Variants in ANKS1A observed in about 807,000 individuals in gnomAD.
ANKS1A encodes the protein ankyrin repeat and SAM domain-containing protein 1A.
ANKS1A carries 55 observed loss-of-function variants against 120.3 expected under a neutral mutation model. That is an observed-to-expected ratio of 0.46 (90% CI 0.37 to 0.57). The LOEUF is 0.57. Among genes scored for constraint, ANKS1A ranks in the 20% least tolerant of loss-of-function variants. The pLI is 0.00. For synonymous variants in ANKS1A, 590 were observed against 604.7 expected, an observed-to-expected ratio of 0.98 and a Z score of 0.36; for missense variants, 1,123 against 1,480.3, an observed-to-expected ratio of 0.76 and a Z score of 3.96.
rs765605788 is a variant in ANKS1A, at chr6:34,982,011, C to T, written c.732+25C>T. 16 of 1,610,526 alleles carry T rather than the reference C, an allele frequency of 9.9e-6. No individual in the cohort carries two copies. Among genetic ancestry groups the T allele is most frequent in the Non-Finnish European group, 1.4e-5 (16 of 1,177,948 alleles). On this transcript the variant is annotated intron_variant, in intron 4 of 23. Coordinates refer to ENST00000360359, the MANE Select transcript of ANKS1A (RefSeq NM_015245.3). The surrounding 1 kb of genome is among the most constrained non-coding windows in gnomAD (Gnocchi z 4.9). ...GGTAGCAGGGCGGGTGGGGGCTCCT[C>T]CAATCTCAAGAGACTCAGTCATTTT...
In ANKS1A at chr6:35,081,107, C is replaced by T. The variant is rs1777646753; in HGVS notation, c.2658C>T (p.Asp886=). The T allele has an allele frequency of 1.2e-6, 2 of 1,613,584 alleles. No homozygotes were observed. Among genetic ancestry groups the T allele is most frequent in the African/African-American group, 2.7e-5 (2 of 74,928 alleles). Residue 886 remains aspartate (D), a synonymous_variant, in exon 17 of 24, where the codon GAC becomes GAT. Coordinates refer to ENST00000360359, the MANE Select transcript of ANKS1A (RefSeq NM_015245.3). ...PPGDTGRRRH[D]SLHDPAAPSR... ...GGGACACAGGCAGGAGGCGCCATGA[C>T]AGTCTCCATGACCCTGCGGCACCCT...
chr6:34,944,340 C>G (rs147379165), intron 1 of ANKS1A, among the ~76,000 whole-genome samples: 2 of 151,748 alleles, frequency 1.3e-5, no homozygotes, highest in Admixed American at 1.3e-4. Context: ...GTTCCTGTTG[C>G]TCCATATCCT....
At position 35,089,183 on chromosome 6, in the gene ANKS1A, A is replaced by C. The variant is rs1018413857; in HGVS notation, c.*574A>C. 1.9e-5 allele frequency: 19 copies of C among 998,526 alleles called. No homozygotes were observed. The highest frequency in any genetic ancestry group is 2.2e-5 in the Non-Finnish European group (18 of 836,534). The allele number at this position is 998,526 out of a possible 1,614,324, so 61.9% of individuals were successfully genotyped here. On this transcript the variant is annotated 3_prime_UTR_variant, in exon 24 of 24. Transcript: ENST00000360359. ...GCTGCTGCTCTTTATGAACTGCCCA[A>C]CTTCCTGTCCCTTTCAGGGGCTAGA...
chr6:34,913,251 A>G (rs1230099029), intron 1 of ANKS1A, among the ~76,000 whole-genome samples: 1 of 152,218 alleles, frequency 6.6e-6, no homozygotes, highest in Non-Finnish European at 1.5e-5. Flanking sequence ...ACACATTGTA[A>G]TAGTGACTGA....
At chr6:34,900,444 T>G (rs1767290913) in intron 1 of ANKS1A, among the ~76,000 whole-genome samples, 1 of 149,916 alleles carries the variant, frequency 6.7e-6, no homozygotes, top group Admixed American at 6.6e-5. Context: ...TCATAACAAC[T>G]CTCTCTGTTT....
At chr6:35,056,390 A>G (rs1008574129) in intron 12 of ANKS1A, among the ~76,000 whole-genome samples, 4 of 152,008 alleles carry the variant, frequency 2.6e-5, no homozygotes, top group African/African-American at 7.2e-5. Context: ...CCGGGTTCAC[A>G]CCATTCTCTT....
At chr6:34,896,187 A>G (rs1767075629) in intron 1 of ANKS1A, among the ~76,000 whole-genome samples, 1 of 151,320 alleles carries the variant, frequency 6.6e-6, no homozygotes, top group Admixed American at 6.6e-5. Flanking sequence ...CTTGTGCCTC[A>G]GCCTCCTGAG....
intron 13 of ANKS1A, among the ~76,000 whole-genome samples, chr6:35,064,463 C>G (rs1776666665): frequency 6.6e-6 from 1 of 152,200 alleles, no homozygotes; most frequent in Non-Finnish European, 1.5e-5. Context: ...CCAGCTTGTT[C>G]CTACGTGTTG....
chr6:35,021,012 G>A (rs935321532), intron 11 of ANKS1A, among the ~76,000 whole-genome samples: 2 of 152,226 alleles, frequency 1.3e-5, no homozygotes, highest in African/African-American at 4.8e-5. Context: ...GGCCCTTTAT[G>A]TGTAACCCTT....
At chr6:35,025,616 T>C (rs1774585469) in intron 11 of ANKS1A, among the ~76,000 whole-genome samples, 1 of 152,090 alleles carries the variant, frequency 6.6e-6, no homozygotes, top group Non-Finnish European at 1.5e-5. Context: ...CCTCTTTCTT[T>C]TTGCCTTTGC....
intron 17 of ANKS1A, among the ~76,000 whole-genome samples, chr6:35,081,528 C>T (rs1417521287): frequency 6.6e-6 from 1 of 152,178 alleles, no homozygotes; most frequent in Non-Finnish European, 1.5e-5. Flanking sequence ...CTCTGAGCTC[C>T]TTCTTGGCCC....
At chr6:34,893,793 A>G (rs1766935010) in intron 1 of ANKS1A, among the ~76,000 whole-genome samples, 1 of 152,202 alleles carries the variant, frequency 6.6e-6, no homozygotes, top group East Asian at 1.9e-4. Context: ...ACATAGGTGT[A>G]TATAGCCCTA....
chr6:35,012,388 C>T (rs1023137231), intron 10 of ANKS1A, among the ~76,000 whole-genome samples: 7 of 152,212 alleles, frequency 4.6e-5, no homozygotes, highest in African/African-American at 1.7e-4. Context: ...CCTGGTGACC[C>T]TCTGAAAGCA....
chr6:35,083,545 A>G, intron 20 of ANKS1A, 42 bp downstream of exon 20: 1 of 1,593,346 alleles, frequency 6.3e-7, no homozygotes. Flanking sequence ...TGGGACCCAC[A>G]TCCCCGTCAG....
intron 10 of ANKS1A, 107 bp from the exon 11 acceptor site, chr6:35,017,366 G>C (rs1446643585): frequency 4.2e-6 from 5 of 1,200,998 alleles, no homozygotes; most frequent in African/African-American, 1.5e-5. Context: ...TTCTCTCTCT[G>C]TTTCTCTGTG....
rs1396096822 is a variant in ANKS1A at position 35,086,589 on chromosome 6, G to A, written c.3304-363G>A. ...CTGCTGTGGTCTTGCCTTGGGGTGA[G>A]CTCTCTGGGCCTACCAGAGAGACCC... On this transcript the variant is annotated intron_variant, in intron 22 of 23. Coordinates refer to ENST00000360359, the MANE Select transcript of ANKS1A (RefSeq NM_015245.3). This position sits in a 1 kb window ranked among gnomAD's most constrained non-coding sequence, Gnocchi z 5.1. 2.0e-5 allele frequency among the ~76,000 whole-genome samples: 3 copies of A among 152,000 alleles called. No homozygotes were observed. Among genetic ancestry groups the A allele is most frequent in the Non-Finnish European group, 2.9e-5 (2 of 67,998 alleles).
At chr6:35,033,774 A>G (rs941326454) in intron 11 of ANKS1A, among the ~76,000 whole-genome samples, 2 of 152,164 alleles carry the variant, frequency 1.3e-5, no homozygotes, top group African/African-American at 4.8e-5. Context: ...GAACGAGTCT[A>G]TTGGTCCTCA....
At position 34,951,459 on chromosome 6, in the gene ANKS1A, A is replaced by C. The variant is rs150542662; in HGVS notation, c.198-15780A>C. ...CTAATATGTGTCAAGTCCAGGATTC[A>C]CACGTGTCAGTTGCATGTGTGAAAA... On this transcript the variant is annotated intron_variant, in intron 1 of 23. Coordinates refer to ENST00000360359, the MANE Select transcript of ANKS1A (RefSeq NM_015245.3). Among the ~76,000 whole-genome samples, 37 of 152,320 alleles carry C rather than the reference A, an allele frequency of 2.4e-4. No individual in the cohort carries two copies. In the East Asian group the frequency reaches 7.1e-3, roughly 29 times the overall value.
chr6:35,032,658 A>G (rs1581675968), intron 11 of ANKS1A, among the ~76,000 whole-genome samples: 1 of 152,276 alleles, frequency 6.6e-6, no homozygotes, highest in East Asian at 1.9e-4. Context: ...ATAGATAGGT[A>G]TCTGTTTTTC....
Sources: allele counts gnomAD v4.1 joint callset (sites outside exome capture counted in the v4.1 genomes callset), GRCh38; gene constraint gnomAD v4.1.1; non-coding constraint Gnocchi (gnomAD v3.1); transcripts MANE v1.5; gene names NCBI Gene and HGNC (gene_info 2026-07-23, HGNC 2026-07-21).